Variants in GRM5 observed in about 807,000 individuals in gnomAD.
The protein encoded by GRM5 is metabotropic glutamate receptor 5.
Under a neutral mutation model 83.1 loss-of-function variants are expected in GRM5, and 19 were observed. The ratio of observed to expected loss-of-function variants is 0.23; its 90% CI spans 0.16 to 0.34. The LOEUF (loss-of-function observed/expected upper bound fraction) is 0.34. Ranked by LOEUF, GRM5 falls within the 10% of genes least tolerant of loss-of-function variation. The probability of loss-of-function intolerance (pLI) is 1.00; values close to 1 mark genes in which losing one functional copy is unlikely to be tolerated. For synonymous variants in GRM5, 675 were observed against 633.6 expected, an observed-to-expected ratio of 1.07 and a Z score of -0.98; for missense variants, 1,160 against 1,588.3, an observed-to-expected ratio of 0.73 and a Z score of 4.58.
chr11:88,664,829 G>C (rs2135322826), intron 3 of GRM5, among the ~76,000 whole-genome samples: 1 of 152,272 alleles, frequency 6.6e-6, no homozygotes, highest in African/African-American at 2.4e-5. Context: ...TATACTATAT[G>C]ATAATGATTT....
chr11:88,674,555 C>T (rs530790284), intron 3 of GRM5, among the ~76,000 whole-genome samples: 55 of 151,946 alleles, frequency 3.6e-4, no homozygotes, highest in African/African-American at 1.2e-3. Flanking sequence ...AATTATTGCC[C>T]TTTCTGCCAT....
intron 2 of GRM5, among the ~76,000 whole-genome samples, chr11:88,916,275 G>C (rs995952542): frequency 6.6e-6 from 1 of 152,154 alleles, no homozygotes; most frequent in African/African-American, 2.4e-5. Flanking sequence ...AGGAAAGACA[G>C]TCTTTACTTG....
intron 2 of GRM5, among the ~76,000 whole-genome samples, chr11:88,921,988 T>C (rs2135630219): frequency 6.6e-6 from 1 of 152,010 alleles, no homozygotes; most frequent in Admixed American, 6.5e-5. Context: ...TAATCCCATT[T>C]ACATTAGCTA....
At chr11:88,685,863 C>T (rs1940609375) in intron 3 of GRM5, among the ~76,000 whole-genome samples, 1 of 152,162 alleles carries the variant, frequency 6.6e-6, no homozygotes. Flanking sequence ...TATAGAAATG[C>T]CTGGATGCCC....
chr11:88,531,330 G>A lies in GRM5; in HGVS notation c.2631-5926C>T, dbSNP rs1208856445. 5.9e-5 allele frequency among the ~76,000 whole-genome samples: 9 copies of A among 152,180 alleles called. No individual in the cohort carries two copies. In the East Asian group the frequency reaches 1.5e-3, roughly 26 times the overall value. On this transcript the variant is annotated intron_variant, in intron 8 of 9. Coordinates refer to ENST00000305447, the MANE Select transcript of GRM5 (RefSeq NM_001143831.3). Reference sequence around the variant, plus strand: ...TTAGTGAAGCGGTTGAATAAGAAGGGGGGTTTAATCATTAAATAGGAATTA... The same window carrying A: ...TTAGTGAAGCGGTTGAATAAGAAGGAGGGTTTAATCATTAAATAGGAATTA...
At chr11:88,829,527 C>G (rs903237694) in intron 3 of GRM5, among the ~76,000 whole-genome samples, 6 of 151,654 alleles carry the variant, frequency 4.0e-5, no homozygotes, top group Non-Finnish European at 7.4e-5. Flanking sequence ...AACAATAGTA[C>G]CAAAGAGAGT....
At chr11:88,949,400 T>C (rs1938383616) in intron 2 of GRM5, among the ~76,000 whole-genome samples, 1 of 152,266 alleles carries the variant, frequency 6.6e-6, no homozygotes, top group Non-Finnish European at 1.5e-5. Flanking sequence ...TACATTGTTC[T>C]ACTTGATTCC....
At chr11:89,051,148 C>T (rs532662448) in intron 1 of GRM5, among the ~76,000 whole-genome samples, 2 of 151,794 alleles carry the variant, frequency 1.3e-5, no homozygotes, top group South Asian at 2.1e-4. Flanking sequence ...CCCAGCTACT[C>T]GGGAGGCTGA....
At chr11:88,620,802 A>G (rs1938612701) in intron 4 of GRM5, among the ~76,000 whole-genome samples, 1 of 152,198 alleles carries the variant, frequency 6.6e-6, no homozygotes, top group African/African-American at 2.4e-5. Flanking sequence ...CTGTAGAGAC[A>G]CCAGTTCATA....
chr11:88,695,940 G>C (rs1478611710), intron 3 of GRM5, among the ~76,000 whole-genome samples: 1 of 152,150 alleles, frequency 6.6e-6, no homozygotes, highest in Non-Finnish European at 1.5e-5. Context: ...TGCTCTTTCA[G>C]TTTTGCCCTC....
intron 9 of GRM5, among the ~76,000 whole-genome samples, chr11:88,510,141 C>G (rs1222896759): frequency 6.6e-6 from 1 of 152,238 alleles, no homozygotes; most frequent in African/African-American, 2.4e-5. Context: ...AATGAACACA[C>G]ATTTCTAATG....
At chr11:88,819,908 T>C (rs1943757065) in intron 3 of GRM5, among the ~76,000 whole-genome samples, 1 of 152,062 alleles carries the variant, frequency 6.6e-6, no homozygotes, top group African/African-American at 2.4e-5. Flanking sequence ...ACTCATCTTT[T>C]TTACTAGAAG....
At chr11:88,811,629 G>A (rs1432989950) in intron 3 of GRM5, among the ~76,000 whole-genome samples, 1 of 152,102 alleles carries the variant, frequency 6.6e-6, no homozygotes, top group Non-Finnish European at 1.5e-5. Context: ...CTCAAAATTA[G>A]GGAGAACGGT....
intron 2 of GRM5, among the ~76,000 whole-genome samples, chr11:88,895,115 G>C (rs1945210486): frequency 6.6e-6 from 1 of 151,820 alleles, no homozygotes; most frequent in South Asian, 2.1e-4. Flanking sequence ...GATAAATTGA[G>C]ATATATATTG....
intron 3 of GRM5, among the ~76,000 whole-genome samples, chr11:88,782,934 T>C (rs1002217984): frequency 5.3e-5 from 8 of 152,078 alleles, no homozygotes; most frequent in African/African-American, 1.9e-4. Context: ...ACAAATGTAT[T>C]AGTTAAAAAT....
At chr11:88,990,717 T>A (rs1042309482) in intron 2 of GRM5, among the ~76,000 whole-genome samples, 3 of 151,170 alleles carry the variant, frequency 2.0e-5, no homozygotes, top group African/African-American at 7.3e-5. Context: ...TATACGCAAA[T>A]CAATAAACGT....
At chr11:88,661,491 A>T (rs1402211593) in intron 3 of GRM5, among the ~76,000 whole-genome samples, 1 of 152,036 alleles carries the variant, frequency 6.6e-6, no homozygotes, top group African/African-American at 2.4e-5. Flanking sequence ...TGCAACCCAC[A>T]TAATTATTAT....
At chr11:88,815,917 G>A (rs1302995649) in intron 3 of GRM5, among the ~76,000 whole-genome samples, 1 of 151,762 alleles carries the variant, frequency 6.6e-6, no homozygotes, top group Non-Finnish European at 1.5e-5. Flanking sequence ...CCTGCCTTAA[G>A]AAATTGGAAA....
Position 88,896,055 on chromosome 11 carries a change from C to T in GRM5, c.662-45900G>A, listed in dbSNP as rs529801083. Among the ~76,000 whole-genome samples, 6 of 152,054 alleles carry T rather than the reference C, an allele frequency of 3.9e-5. No individual in the cohort carries two copies. The South Asian group carries it at 1.0e-3, about 26-fold the overall frequency. ...AAGGCATTTCAAATTGTATTATTAA[C>T]TGCCTATTAGAGAGAAGGTAATATG... On this transcript the variant is annotated intron_variant, in intron 2 of 9. Transcript: ENST00000305447.
Sources: gnomAD v4.1 joint callset for allele counts (sites outside exome capture counted in the v4.1 genomes callset) on GRCh38, gnomAD v4.1.1 for gene constraint, MANE v1.5 for transcripts, NCBI Gene and HGNC (gene_info 2026-07-23, HGNC 2026-07-21) for gene names.